Variants in ETV5 observed in about 807,000 individuals in gnomAD.
ETV5 encodes the protein ETS variant transcription factor 5, also known as ETS translocation variant 5.
In ETV5, 10 loss-of-function variants were observed where a neutral mutation model predicts 70.0. That is an observed-to-expected ratio of 0.14 (90% CI 0.09 to 0.24). The LOEUF is 0.24. ETV5 is among the 10% of genes least tolerant of loss of function. The pLI is 1.00. For synonymous variants in ETV5, 216 were observed against 242.2 expected, an observed-to-expected ratio of 0.89 and a Z score of 1.01; for missense variants, 453 against 651.2, an observed-to-expected ratio of 0.70 and a Z score of 3.31.
intron 7 of ETV5, among the ~76,000 whole-genome samples, chr3:186,073,020 T>C (rs1713681519): frequency 6.6e-6 from 1 of 152,064 alleles, no homozygotes. Context: ...TAATCTTAGC[T>C]ACTAGGGAGG....
intron 7 of ETV5, among the ~76,000 whole-genome samples, chr3:186,067,223 A>G (rs778692354): frequency 4.1e-4 from 62 of 152,230 alleles, no homozygotes; most frequent in Non-Finnish European, 8.4e-4. Flanking sequence ...TCACGAGGTC[A>G]AGAGATTGAG....
chr3:186,060,423 A>G (rs1713276709), intron 9 of ETV5, among the ~76,000 whole-genome samples: 1 of 152,218 alleles, frequency 6.6e-6, no homozygotes, highest in Non-Finnish European at 1.5e-5. Context: ...GCCAGCAGTT[A>G]TATCAGTTGT....
intron 5 of ETV5, among the ~76,000 whole-genome samples, chr3:186,094,829 A>T (rs1487276639): frequency 6.6e-6 from 1 of 152,206 alleles, no homozygotes; most frequent in African/African-American, 2.4e-5. Context: ...CAGTCAAGTA[A>T]CATGCTTGTG....
intron 7 of ETV5, among the ~76,000 whole-genome samples, chr3:186,072,774 G>T (rs1713674380): frequency 6.6e-6 from 1 of 152,226 alleles, no homozygotes; most frequent in Non-Finnish European, 1.5e-5. Flanking sequence ...ATGGGAGAGG[G>T]ATGGTGATGA....
intron 7 of ETV5, among the ~76,000 whole-genome samples, chr3:186,066,357 AGATTATGTAT>A (rs1713446839): frequency 6.6e-6 from 1 of 151,652 alleles, no homozygotes; most frequent in Non-Finnish European, 1.5e-5. Flanking sequence ...TAGATGGGCC[AGATTATGTAT>A]CTGAATATAT....
At chr3:186,071,659 A>C (rs984682915) in intron 7 of ETV5, among the ~76,000 whole-genome samples, 8 of 152,206 alleles carry the variant, frequency 5.3e-5, no homozygotes, top group African/African-American at 1.9e-4. Context: ...TAAAATCAGA[A>C]GATATGCAAA....
In ETV5 at chr3:186,046,606, G is replaced by A. The variant is rs1032360075; in HGVS notation, c.*2033C>T. Reference sequence around the variant, plus strand: ...AGCACAGGTCACGTAAGTTACAGCAGGGGAGGGGTAGCTCAAGCTACAGAG... The same window carrying A: ...AGCACAGGTCACGTAAGTTACAGCAAGGGAGGGGTAGCTCAAGCTACAGAG... On this transcript the variant is annotated 3_prime_UTR_variant, in exon 13 of 13. Coordinates refer to ENST00000306376, the MANE Select transcript of ETV5 (RefSeq NM_004454.3). 4.3e-6 allele frequency: 1 copy of A among 230,870 alleles called. No individual in the cohort carries two copies. Among genetic ancestry groups the A allele is most frequent in the Admixed American group, 5.7e-5 (1 of 17,618 alleles). 14.3% of individuals were successfully genotyped at this position (230,870 alleles called of 1,614,324 possible). A position where few individuals can be genotyped will look rare whatever the true frequency, so the allele number is the denominator to read the frequency against.
intron 7 of ETV5, among the ~76,000 whole-genome samples, chr3:186,074,277 T>C (rs1713717528): frequency 6.6e-6 from 1 of 152,164 alleles, no homozygotes; most frequent in South Asian, 2.1e-4. Context: ...TTTATTCAAC[T>C]AAATAGAAAT....
At chr3:186,076,836 T>C (rs980457160) in intron 7 of ETV5, among the ~76,000 whole-genome samples, 1 of 152,130 alleles carries the variant, frequency 6.6e-6, no homozygotes, top group African/African-American at 2.4e-5. Flanking sequence ...GATTAAATGA[T>C]GTAGGAATTT....
Position 186,048,555 on chromosome 3 carries a change from A to G in ETV5, c.*84T>C. 7.6e-7 allele frequency: 1 copy of G among 1,322,060 alleles called. No homozygotes were observed. Among genetic ancestry groups the G allele is most frequent in the South Asian group, 1.3e-5 (1 of 78,994 alleles). The allele number at this position is 1,322,060 out of a possible 1,614,324, so 81.9% of individuals were successfully genotyped here. A position where few individuals can be genotyped will look rare whatever the true frequency, so the allele number is the denominator to read the frequency against. ...CAAAGGGCAAGCTTTAGGAACAACC[A>G]AAAACACAAACAAAACCACTGCCCT... On this transcript the variant is annotated 3_prime_UTR_variant, in exon 13 of 13. Coordinates refer to ENST00000306376, the MANE Select transcript of ETV5 (RefSeq NM_004454.3).
At chr3:186,058,202 G>A (rs965189657) in intron 9 of ETV5, among the ~76,000 whole-genome samples, 2 of 152,210 alleles carry the variant, frequency 1.3e-5, no homozygotes, top group African/African-American at 2.4e-5. Context: ...GGCTCAAGAA[G>A]GAAGGATGGC....
rs187070316 is a variant in ETV5 at position 186,066,189 on chromosome 3, G to A, written c.651-117C>T. On this transcript the variant is annotated intron_variant, in intron 7 of 12. Coordinates refer to ENST00000306376, the MANE Select transcript of ETV5 (RefSeq NM_004454.3). ...AATTATTTGCAAAGTACTTAATAAT[G>A]CTTATTTCTGGGCATTTTACCCTCT... is the stretch of plus-strand genomic sequence containing the variant. The A allele has an allele frequency of 1.5e-5, 12 of 814,250 alleles. No homozygotes were observed. In the Admixed American group the frequency reaches 4.7e-4, roughly 32 times the overall value. 50.4% of individuals were successfully genotyped at this position (814,250 alleles called of 1,614,324 possible). A position where few individuals can be genotyped will look rare whatever the true frequency, so the allele number is the denominator to read the frequency against.
chr3:186,087,131 G>T (rs572574083), intron 5 of ETV5, among the ~76,000 whole-genome samples: 1 of 152,172 alleles, frequency 6.6e-6, no homozygotes, highest in African/African-American at 2.4e-5. Context: ...TAGGTTCAGT[G>T]TAACCCCCAA....
At chr3:186,068,683 G>T (rs558043545) in intron 7 of ETV5, among the ~76,000 whole-genome samples, 53 of 152,266 alleles carry the variant, frequency 3.5e-4, no homozygotes, top group South Asian at 6.2e-4. Context: ...GTGACATGGG[G>T]ATGTATTATC....
chr3:186,058,866 A>G (rs978731920), intron 9 of ETV5, among the ~76,000 whole-genome samples: 3 of 152,014 alleles, frequency 2.0e-5, no homozygotes, highest in African/African-American at 7.2e-5. Flanking sequence ...ACAAAAAATT[A>G]GCCGGGCATA....
At chr3:186,055,812 C>T (rs1204613438) in intron 11 of ETV5, among the ~76,000 whole-genome samples, 4 of 152,162 alleles carry the variant, frequency 2.6e-5, no homozygotes, top group Non-Finnish European at 5.9e-5. Context: ...AAAGCGAGCC[C>T]TAGAGTTAAC....
chr3:186,077,862 T>TG (rs1291203992), intron 7 of ETV5: 3 of 358,474 alleles, frequency 8.4e-6, no homozygotes, highest in Non-Finnish European at 1.3e-5. Context: ...CAAGGATCTC[T>TG]GTATCACCCC....
Position 186,081,137 on chromosome 3 carries a change from C to T in ETV5, c.271G>A (p.Glu91Lys). 1 of 1,613,640 alleles carries T rather than the reference C, an allele frequency of 6.2e-7. No individual in the cohort carries two copies. The highest frequency in any genetic ancestry group is 8.5e-7 in the Non-Finnish European group (1 of 1,179,740). The change falls in exon 6 of 13, where the codon GAG (glutamate) becomes AAG (lysine). Residue 91 changes from glutamate (E) to lysine (K), a missense_variant. This residue lies in a region of ETV5 where 307 missense variants were observed against 344.9 expected (regional missense o/e 0.89). Transcript: ENST00000306376. The stretch of plus-strand genomic sequence containing the variant: ...AGCTCAGAGGAGGGGCTGTGCAGCT[C>T]CCGTTTGATCTTGGTTGGAGGTGGG... ...HAPPPTKIKR[E>K]LHSPSSELSS... is the part of the protein sequence containing the mutation.
chr3:186,051,401 T>A (rs1713026560), intron 12 of ETV5, among the ~76,000 whole-genome samples: 2 of 152,246 alleles, frequency 1.3e-5, no homozygotes, highest in African/African-American at 4.8e-5. Flanking sequence ...ATCCATGGGA[T>A]GTTAAGACTG....
Sources: allele counts gnomAD v4.1 joint callset (sites outside exome capture counted in the v4.1 genomes callset), GRCh38; gene constraint gnomAD v4.1.1; regional missense constraint gnomAD v4.1.1; transcripts MANE v1.5; gene names NCBI Gene and HGNC (gene_info 2026-07-23, HGNC 2026-07-21).